MAF: variants seen among roughly 807,000 people sequenced by gnomAD.
MAF encodes transcription factor Maf.
Under a neutral mutation model 22.0 loss-of-function variants are expected in MAF, and 10 were observed. The observed-to-expected ratio is 0.45, with a 90% CI of 0.28 to 0.77. MAF has a LOEUF of 0.77. Ranked by LOEUF, MAF falls within the 30% of genes least tolerant of loss-of-function variation. The probability of loss-of-function intolerance (pLI) is 0.12; values close to 1 mark genes in which losing one functional copy is unlikely to be tolerated. For synonymous variants in MAF, 337 were observed against 255.8 expected, an observed-to-expected ratio of 1.32 and a Z score of -3.03; for missense variants, 544 against 548.4, an observed-to-expected ratio of 0.99 and a Z score of 0.08.
the MAF span, among the ~76,000 whole-genome samples, chr16:79,517,590 T>G: frequency 1.1e-5 from 1 of 94,884 alleles, no homozygotes; most frequent in African/African-American, 3.8e-5. Flanking sequence ...TTTTTTTTTT[T>G]TTGAGATGGA....
the MAF span, among the ~76,000 whole-genome samples, chr16:79,548,860 C>T: frequency 6.6e-6 from 1 of 152,170 alleles, no homozygotes; most frequent in Admixed American, 6.5e-5. Flanking sequence ...GGTAAGTCTT[C>T]TCTTCTTGCC....
chr16:79,508,504 A>G, the MAF span, among the ~76,000 whole-genome samples: 4 of 152,128 alleles, frequency 2.6e-5, no homozygotes, highest in African/African-American at 9.7e-5. Flanking sequence ...GGCGCTGCTC[A>G]GCAGTACTGC....
At chr16:79,352,103 C>A in the MAF span, among the ~76,000 whole-genome samples, 1 of 152,064 alleles carries the variant, frequency 6.6e-6, no homozygotes, top group Non-Finnish European at 1.5e-5. Context: ...GGAGATGGCA[C>A]CTGCTTGAGG....
chr16:79,415,503 A>G, the MAF span, among the ~76,000 whole-genome samples: 1 of 152,194 alleles, frequency 6.6e-6, no homozygotes, highest in Admixed American at 6.5e-5. Context: ...TTGGGGCAGA[A>G]GTCCCCTTAA....
the MAF span, among the ~76,000 whole-genome samples, chr16:79,280,262 G>A: frequency 1.3e-5 from 2 of 152,244 alleles, no homozygotes; most frequent in African/African-American, 2.4e-5. Flanking sequence ...CCAGTTTTGT[G>A]TAAATGCCGG....
At chr16:79,513,860 G>A in the MAF span, among the ~76,000 whole-genome samples, 6 of 152,124 alleles carry the variant, frequency 3.9e-5, no homozygotes, top group African/African-American at 1.2e-4. Flanking sequence ...TGTGTCCCAT[G>A]CAAACTTTCC....
the MAF span, among the ~76,000 whole-genome samples, chr16:79,324,773 A>G: frequency 6.6e-6 from 1 of 152,122 alleles, no homozygotes; most frequent in Non-Finnish European, 1.5e-5. Flanking sequence ...TGTTTTCTGC[A>G]GTTTCTATTA....
chr16:79,539,484 A>C, the MAF span, among the ~76,000 whole-genome samples: 3 of 152,240 alleles, frequency 2.0e-5, no homozygotes, highest in Non-Finnish European at 4.4e-5. Context: ...AGCCAGTGTG[A>C]CAGAGCGAGA....
intron 1 of MAF, chr16:79,597,173 A>G: frequency 9.5e-7 from 1 of 1,055,974 alleles, no homozygotes; most frequent in East Asian, 5.3e-5. Flanking sequence ...ACAATAGTAA[A>G]CAATTTAGTG....
chr16:79,281,338 G>C, the MAF span, among the ~76,000 whole-genome samples: 2 of 151,776 alleles, frequency 1.3e-5, no homozygotes, highest in Admixed American at 6.6e-5. Context: ...CCTCTAAAAA[G>C]AGTTAGAAAA....
the MAF span, among the ~76,000 whole-genome samples, chr16:79,397,799 A>C: frequency 6.6e-6 from 1 of 152,166 alleles, no homozygotes; most frequent in Non-Finnish European, 1.5e-5. Flanking sequence ...AGGCATCCTT[A>C]GGACCCCAGG....
At chr16:79,566,381 G>A in the MAF span, among the ~76,000 whole-genome samples, 13 of 152,220 alleles carry the variant, frequency 8.5e-5, no homozygotes, top group Admixed American at 6.5e-5. Context: ...TCACAGCAGG[G>A]AGTGGGGACT....
At chr16:79,418,860 A>G in the MAF span, among the ~76,000 whole-genome samples, 1 of 152,128 alleles carries the variant, frequency 6.6e-6, no homozygotes, top group Non-Finnish European at 1.5e-5. Flanking sequence ...GCAGGCCCCA[A>G]CACAGGGCCC....
At chr16:79,287,419 T>G in the MAF span, among the ~76,000 whole-genome samples, 2 of 152,126 alleles carry the variant, frequency 1.3e-5, no homozygotes, top group African/African-American at 4.8e-5. Context: ...ACAGCTGATG[T>G]GAGTCCACAC....
the MAF span, among the ~76,000 whole-genome samples, chr16:79,486,655 T>C: frequency 6.6e-6 from 1 of 152,218 alleles, no homozygotes; most frequent in Non-Finnish European, 1.5e-5. Context: ...GTGCCTTTAA[T>C]GTGCTAATTA....
the MAF span, among the ~76,000 whole-genome samples, chr16:79,523,941 T>C: frequency 5.9e-5 from 9 of 152,308 alleles, no homozygotes; most frequent in South Asian, 1.9e-3. Flanking sequence ...TTCCCCACTA[T>C]CTTGGAATAA....
At chr16:79,240,752 G>A in the MAF span, among the ~76,000 whole-genome samples, 3 of 152,006 alleles carry the variant, frequency 2.0e-5, no homozygotes, top group Non-Finnish European at 4.4e-5. Flanking sequence ...CTGTTTGGGA[G>A]ACACCTCCCA....
chr16:79,594,648 T>C, intron 1 of MAF, 95 bp from the exon 2 acceptor site: 2 of 1,529,992 alleles, frequency 1.3e-6, no homozygotes, highest in African/African-American at 2.8e-5. Context: ...GATTTTTTTT[T>C]TTTTAAATTT....
At chr16:79,539,349 A>G in the MAF span, among the ~76,000 whole-genome samples, 3 of 152,194 alleles carry the variant, frequency 2.0e-5, no homozygotes, top group African/African-American at 7.2e-5. Context: ...CTAAAATTAC[A>G]GAAATTGGCC....
Sources: allele counts gnomAD v4.1 joint callset (sites outside exome capture counted in the v4.1 genomes callset), GRCh38; gene constraint gnomAD v4.1.1; transcripts MANE v1.5; gene names NCBI Gene and HGNC (gene_info 2026-07-23, HGNC 2026-07-21).